KPNB1: variants seen among roughly 807,000 people sequenced by gnomAD.
KPNB1 encodes importin subunit beta-1.
KPNB1 carries 7 observed loss-of-function variants against 113.0 expected under a neutral mutation model. The ratio of observed to expected loss-of-function variants is 0.06; its 90% CI spans 0.04 to 0.12. The LOEUF (loss-of-function observed/expected upper bound fraction) is 0.12. Among genes scored for constraint, KPNB1 ranks in the 10% least tolerant of loss-of-function variants. The pLI is 1.00. For missense variants in KPNB1, 400 were observed against 1,054.8 expected (o/e 0.38, Z 8.60); for synonymous variants, 363 against 378.6 (o/e 0.96, Z 0.48).
In KPNB1 at chr17:47,668,077, A is replaced by G. The variant is rs183442141; in HGVS notation, c.1000-109A>G. The G allele has an allele frequency of 3.7e-5, 29 of 774,348 alleles. 1 individual carries two copies. The highest frequency in any genetic ancestry group is 2.7e-5 in the Admixed American group (1 of 37,084). The allele number at this position is 774,348 out of a possible 1,614,324, so 48.0% of individuals were successfully genotyped here. ...ACAAAATATAAAGGTCTTATATTTT[A>G]TTTCCCTGGAGTTTAAGTTCTAAAG... On this transcript the variant is annotated intron_variant, in intron 9 of 21. Transcript: ENST00000290158.
At chr17:47,664,829 GA>G (rs1254135831) in intron 8 of KPNB1, among the ~76,000 whole-genome samples, 2 of 151,794 alleles carry the variant, frequency 1.3e-5, no homozygotes, top group South Asian at 2.1e-4. Flanking sequence ...TTGAACTTAT[GA>G]AAAAAAAGTT....
At chr17:47,662,711 G>A (rs544774124) in intron 6 of KPNB1, among the ~76,000 whole-genome samples, 20 of 152,036 alleles carry the variant, frequency 1.3e-4, no homozygotes, top group African/African-American at 4.1e-4. Flanking sequence ...GCAAAACCCC[G>A]TCTCTACTAA....
chr17:47,661,076 G>A, intron 5 of KPNB1, 43 bp from the exon 6 acceptor site: 1 of 1,492,552 alleles, frequency 6.7e-7, no homozygotes, highest in Non-Finnish European at 9.4e-7. Context: ...CCTACGTACA[G>A]GTTATGCTCT....
chr17:47,678,561 G>GAGTGGCTTT lies in KPNB1; in HGVS notation c.2353+156_2353+157insTAGTGGCTT, dbSNP rs920017589. 3 of 624,584 alleles carry GAGTGGCTTT rather than the reference G, an allele frequency of 4.8e-6. No homozygotes were observed. In the African/African-American group the frequency reaches 5.5e-5, roughly 11 times the overall value. 38.7% of individuals were successfully genotyped at this position (624,584 alleles called of 1,614,324 possible). On this transcript the variant is annotated intron_variant, in intron 19 of 21. Transcript: ENST00000290158. ...AGGGGGAGCAGTGCCCTAATGAAGA[G>GAGTGGCTTT]AGTGGCTTGGGGAAAACTGTAGACT...
chr17:47,673,663 G>T, intron 14 of KPNB1, 102 bp downstream of exon 14: 2 of 883,310 alleles, frequency 2.3e-6, no homozygotes, highest in South Asian at 1.4e-5. Flanking sequence ...TGGTATAGAT[G>T]ATGCGGATCA....
chr17:47,672,198 G>A (rs1346377930), intron 12 of KPNB1, among the ~76,000 whole-genome samples: 1 of 151,944 alleles, frequency 6.6e-6, no homozygotes, highest in Non-Finnish European at 1.5e-5. Flanking sequence ...TAGAGATGGG[G>A]TTTCGCCATG....
intron 2 of KPNB1, among the ~76,000 whole-genome samples, chr17:47,652,373 A>G (rs1003372103): frequency 2.8e-4 from 42 of 152,224 alleles, no homozygotes; most frequent in Non-Finnish European, 1.0e-4. Flanking sequence ...TACTACTACC[A>G]TACTCTGAAA....
At chr17:47,655,384 C>T (rs2143093781) in intron 3 of KPNB1, among the ~76,000 whole-genome samples, 1 of 152,228 alleles carries the variant, frequency 6.6e-6, no homozygotes, top group Middle Eastern at 3.4e-3. Flanking sequence ...TGGTATCTGT[C>T]AGTGATAGAA....
rs1437093255 is a variant in KPNB1 at position 47,669,746 on chromosome 17, T to G, written c.1293T>G (p.Thr431=). 6.2e-7 allele frequency: 1 copy of G among 1,614,148 alleles called. No individual in the cohort carries two copies. The highest frequency in any genetic ancestry group is 2.2e-5 in the East Asian group (1 of 44,884). The change falls in exon 11 of 22, where the codon ACT becomes ACG. Residue 431 remains threonine (T), a synonymous_variant. Coordinates refer to ENST00000290158, the MANE Select transcript of KPNB1 (RefSeq NM_002265.6). ...SVVVRDTAAW[T]VGRICELLPE... Reference sequence around the variant, plus strand: ...TTGTTCGAGATACAGCTGCATGGACTGTAGGCAGAATTTGTGAGCTGCTTC... The same window carrying G: ...TTGTTCGAGATACAGCTGCATGGACGGTAGGCAGAATTTGTGAGCTGCTTC...
At chr17:47,658,366 C>G in intron 4 of KPNB1, 142 bp from the exon 5 acceptor site, 1 of 779,068 alleles carries the variant, frequency 1.3e-6, no homozygotes, top group Non-Finnish European at 2.0e-6. Context: ...TGTACATGCA[C>G]CTTTTGGTGC....
chr17:47,659,255 A>C (rs939524149), intron 5 of KPNB1, among the ~76,000 whole-genome samples: 1 of 152,186 alleles, frequency 6.6e-6, no homozygotes, highest in Non-Finnish European at 1.5e-5. Context: ...AGGCTGAGGC[A>C]GGAGAATCAC....
At chr17:47,656,759 A>G (rs930318722) in intron 3 of KPNB1, 101 bp from the exon 4 acceptor site, 34 of 1,181,664 alleles carry the variant, frequency 2.9e-5, no homozygotes, top group Admixed American at 2.0e-4. Flanking sequence ...AGAAAGAAAG[A>G]AAAAAAAGAA....
chr17:47,658,672 G>A lies in KPNB1; in HGVS notation c.636+12G>A. 1 of 1,610,100 alleles carries A rather than the reference G, an allele frequency of 6.2e-7. No homozygotes were observed. Among genetic ancestry groups the A allele is most frequent in the Non-Finnish European group, 8.5e-7 (1 of 1,178,100 alleles). On this transcript the variant is annotated intron_variant, in intron 5 of 21. Coordinates refer to ENST00000290158, the MANE Select transcript of KPNB1 (RefSeq NM_002265.6). ...ACTTTGATAAAGAGGTAAGTTTTTTGACAATAAGGTATAGATTCAGACAGT... is the reference window on the plus strand; with the variant it reads ...ACTTTGATAAAGAGGTAAGTTTTTTAACAATAAGGTATAGATTCAGACAGT...
intron 3 of KPNB1, among the ~76,000 whole-genome samples, chr17:47,654,412 T>C (rs1915662684): frequency 1.4e-5 from 2 of 146,430 alleles, no homozygotes; most frequent in African/African-American, 5.1e-5. Context: ...ACACTCCATT[T>C]CTTAAAAAAA....
chr17:47,661,611 C>T (rs2030099293), intron 6 of KPNB1, among the ~76,000 whole-genome samples: 1 of 151,922 alleles, frequency 6.6e-6, no homozygotes, highest in African/African-American at 2.4e-5. Context: ...TTAATAAAAA[C>T]ATTAGAGAAG....
chr17:47,682,220 T>G (rs2030805933), intron 21 of KPNB1, among the ~76,000 whole-genome samples, 184 bp from the exon 22 acceptor site: 3 of 152,178 alleles, frequency 2.0e-5, no homozygotes. Flanking sequence ...CCTCGCACCC[T>G]CTGATGTAGG....
chr17:47,664,049 T>G, intron 7 of KPNB1, 110 bp from the exon 8 acceptor site: 1 of 667,200 alleles, frequency 1.5e-6, no homozygotes, highest in Non-Finnish European at 2.7e-6. Flanking sequence ...CTAGCTTCCT[T>G]TTTATAGTTA....
At position 47,652,890 on chromosome 17, in the gene KPNB1, ATCTGTT is replaced by A; in HGVS notation, c.282+16_282+21del. The stretch of plus-strand genomic sequence containing the variant: ...GTCAAGAACTATGTGAGTAACGCTT[ATCTGTT>A]TGGTTATATTGCCCAGAGAACAAGA... On this transcript the variant is annotated intron_variant, in intron 3 of 21. Transcript: ENST00000290158. The A allele has an allele frequency of 6.5e-7, 1 of 1,548,722 alleles. No homozygotes were observed.
chr17:47,652,837 T>A lies in KPNB1; in HGVS notation c.243T>A (p.Leu81=). 6.2e-7 allele frequency: 1 copy of A among 1,606,274 alleles called. No homozygotes were observed. Among genetic ancestry groups the A allele is most frequent in the Non-Finnish European group, 8.5e-7 (1 of 1,177,500 alleles). ...AGGCACAATATCAGCAGAGGTGGCT[T>A]GCTATTGATGCTAATGCTCGACGAG... The part of the protein sequence containing the change: ...DIKAQYQQRW[L]AIDANARREV... Residue 81 remains leucine, a synonymous_variant, in exon 3 of 22, where the codon CTT becomes CTA. Transcript: ENST00000290158.
Sources: gnomAD v4.1 joint callset for allele counts (sites outside exome capture counted in the v4.1 genomes callset) on GRCh38, gnomAD v4.1.1 for gene constraint, MANE v1.5 for transcripts, NCBI Gene and HGNC (gene_info 2026-07-23, HGNC 2026-07-21) for gene names.